The following CHEK1 variants were observed in gnomAD, a reference collection of about 807,000 sequenced individuals.
CHEK1 encodes checkpoint kinase 1, also known as serine/threonine-protein kinase Chk1.
Under a neutral mutation model 60.2 loss-of-function variants are expected in CHEK1, and 32 were observed. The ratio of observed to expected loss-of-function variants is 0.53; its 90% CI spans 0.40 to 0.71. CHEK1 has a LOEUF of 0.71. Ranked by LOEUF, CHEK1 falls within the 30% of genes least tolerant of loss-of-function variation. The probability of loss-of-function intolerance (pLI) is 0.00; values close to 1 mark genes in which losing one functional copy is unlikely to be tolerated. For missense variants in CHEK1, 399 were observed against 564.6 expected (o/e 0.71, Z 2.97); for synonymous variants, 179 against 187.2 (o/e 0.96, Z 0.36).
chr11:125,680,471 G>C (rs966255869), downstream of CHEK1, among the ~76,000 whole-genome samples: 4 of 152,178 alleles, frequency 2.6e-5, no homozygotes, highest in African/African-American at 9.7e-5. Context: ...ATCTCATGCA[G>C]CATCAGGTAT....
intron 6 of CHEK1, among the ~76,000 whole-genome samples, 178 bp downstream of exon 6, chr11:125,633,529 C>T (rs868372931): frequency 6.6e-6 from 1 of 152,068 alleles, no homozygotes; most frequent in Middle Eastern, 3.2e-3. Flanking sequence ...CTCACTGCAG[C>T]CTCAAACTTC....
At chr11:125,646,755 C>A (rs1019631773) in intron 11 of CHEK1, among the ~76,000 whole-genome samples, 4 of 152,030 alleles carry the variant, frequency 2.6e-5, no homozygotes, top group Non-Finnish European at 5.9e-5. Context: ...TGCTTATTGG[C>A]CATTTCTTTA....
chr11:125,669,494 G>A (rs1256864018), intron 13 of CHEK1, among the ~76,000 whole-genome samples: 5 of 149,306 alleles, frequency 3.3e-5, no homozygotes, highest in East Asian at 2.0e-4. Flanking sequence ...TATGTGCCTA[G>A]GTATATTTCT....
chr11:125,633,402 A>T, intron 6 of CHEK1, 51 bp downstream of exon 6: 1 of 1,382,634 alleles, frequency 7.2e-7, no homozygotes, highest in Non-Finnish European at 9.6e-7. Flanking sequence ...CAGATTAGTT[A>T]TACTGAAATA....
rs567344136 is a variant in CHEK1, at chr11:125,657,003, A to G, written c.*1683A>G. 1 of 192,616 alleles carries G rather than the reference A, an allele frequency of 5.2e-6. No homozygotes were observed. Among genetic ancestry groups the G allele is most frequent in the African/African-American group, 2.3e-5 (1 of 43,186 alleles). The allele number at this position is 192,616 out of a possible 1,614,324, so 11.9% of individuals were successfully genotyped here. A position where few individuals can be genotyped will look rare whatever the true frequency, so the allele number is the denominator to read the frequency against. On this transcript the variant is annotated 3_prime_UTR_variant, in exon 13 of 13. Transcript: ENST00000438015. ...AATCTTTAATGCTTTAATGTGTAGG[A>G]AGAGTATAGTGTCCTGTTTTGCACA...
chr11:125,630,336 A>C (rs549631144), intron 5 of CHEK1, among the ~76,000 whole-genome samples: 2 of 149,822 alleles, frequency 1.3e-5, no homozygotes, highest in African/African-American at 4.9e-5. Context: ...TTTGAAACAG[A>C]GTCTTGCTGT....
At chr11:125,625,148 C>T, upstream of CHEK1, 1 of 223,356 alleles carries the variant, frequency 4.5e-6, no homozygotes, top group East Asian at 6.5e-5. Flanking sequence ...TTTAAATTTG[C>T]GTTGTAAGAT....
intron 5 of CHEK1, among the ~76,000 whole-genome samples, chr11:125,629,698 C>A (rs1940787383): frequency 6.6e-6 from 1 of 151,648 alleles, no homozygotes; most frequent in South Asian, 2.1e-4. Flanking sequence ...GACCTAGGTG[C>A]AAGCCTAGCT....
downstream of CHEK1, among the ~76,000 whole-genome samples, chr11:125,676,750 C>T (rs545570000): frequency 1.3e-5 from 2 of 152,208 alleles, no homozygotes; most frequent in Admixed American, 6.5e-5. Context: ...ACTTCCTGGG[C>T]ATTTATCATT....
intron 13 of CHEK1, among the ~76,000 whole-genome samples, chr11:125,662,485 T>C (rs972268740): frequency 1.3e-5 from 2 of 152,250 alleles, no homozygotes; most frequent in African/African-American, 4.8e-5. Context: ...GTTACATAAA[T>C]AAAATCACAT....
intron 11 of CHEK1, among the ~76,000 whole-genome samples, chr11:125,651,029 T>A (rs1270680024): frequency 6.6e-6 from 1 of 152,076 alleles, no homozygotes. Context: ...GCATATGTAC[T>A]GCCCTGGTCA....
chr11:125,668,244 C>G (rs1043795692), intron 13 of CHEK1, among the ~76,000 whole-genome samples: 2 of 152,158 alleles, frequency 1.3e-5, no homozygotes, highest in African/African-American at 4.8e-5. Context: ...TTCATGTCCC[C>G]TTAGTCTCCT....
downstream of CHEK1, chr11:125,678,088 G>A (rs1389097980): frequency 6.2e-7 from 1 of 1,614,088 alleles, no homozygotes; most frequent in Non-Finnish European, 8.5e-7. Context: ...CTCTCAGCAT[G>A]TTCTCCAGAA....
chr11:125,654,101 C>T (rs191450341), intron 12 of CHEK1, among the ~76,000 whole-genome samples: 6 of 151,820 alleles, frequency 4.0e-5, no homozygotes, highest in African/African-American at 9.7e-5. Context: ...GAGTCCGAGA[C>T]GGGTGGATCT....
rs1941886203 is a variant in CHEK1, at chr11:125,655,788, T to C, written c.*468T>C. 1 of 216,338 alleles carries C rather than the reference T, an allele frequency of 4.6e-6. No homozygotes were observed. The highest frequency in any genetic ancestry group is 9.3e-6 in the Non-Finnish European group (1 of 107,446). 13.4% of individuals were successfully genotyped at this position (216,338 alleles called of 1,614,324 possible). A position where few individuals can be genotyped will look rare whatever the true frequency, so the allele number is the denominator to read the frequency against. On this transcript the variant is annotated 3_prime_UTR_variant, in exon 13 of 13. Coordinates refer to ENST00000438015, the MANE Select transcript of CHEK1 (RefSeq NM_001114122.3). ...TATCAGTCTGTGAAGCGAAGCCAGCTTCAAAACATATCCCCAAGATTTGTA... is the reference window on the plus strand; with the variant it reads ...TATCAGTCTGTGAAGCGAAGCCAGCCTCAAAACATATCCCCAAGATTTGTA...
At chr11:125,672,662 G>C in intron 13 of CHEK1, 1 of 1,614,154 alleles carries the variant, frequency 6.2e-7, no homozygotes, top group African/African-American at 1.3e-5. Flanking sequence ...GGGAGAAGAG[G>C]TTCATAGATG....
At chr11:125,676,671 T>G (rs1344479217), downstream of CHEK1, among the ~76,000 whole-genome samples, 1 of 152,176 alleles carries the variant, frequency 6.6e-6, no homozygotes, top group Non-Finnish European at 1.5e-5. Flanking sequence ...TCTTCATCTC[T>G]GACCCTCATT....
chr11:125,679,461 G>A (rs373064053), downstream of CHEK1, among the ~76,000 whole-genome samples: 28 of 151,912 alleles, frequency 1.8e-4, no homozygotes, highest in East Asian at 4.7e-3. Flanking sequence ...CAAGTGATCC[G>A]CCCGCCTCAG....
In CHEK1 at chr11:125,627,704, G is replaced by A. The variant is rs762977718; in HGVS notation, c.163G>A (p.Glu55Lys). Residue 55 changes from glutamate (E) to lysine (K), a missense_variant, in exon 3 of 13, where the codon GAG (glutamate) becomes AAG (lysine). Physicochemically the swap from Glu to Lys is moderately conservative, Grantham distance 56. Transcript: ENST00000438015. ...AVDCPENIKKEICINKMLNHE... is the reference protein window; with the variant it reads ...AVDCPENIKKKICINKMLNHE... ...AGACTGTCCAGAAAATATTAAGAAA[G>A]AGATCTGTATCAATAAAATGCTAAA... 2.5e-6 allele frequency: 4 copies of A among 1,613,866 alleles called. No homozygotes were observed. The highest frequency in any genetic ancestry group is 1.7e-6 in the Non-Finnish European group (2 of 1,179,872).
Sources: gnomAD v4.1 joint callset for allele counts (sites outside exome capture counted in the v4.1 genomes callset) on GRCh38, gnomAD v4.1.1 for gene constraint, MANE v1.5 for transcripts, NCBI Gene and HGNC (gene_info 2026-07-23, HGNC 2026-07-21) for gene names.